The following RYR1 variants were observed in gnomAD, a reference collection of about 807,000 sequenced individuals.
RYR1 encodes central core disease of muscle.
RYR1 carries 342 observed loss-of-function variants against 583.5 expected under a neutral mutation model. The observed-to-expected ratio is 0.59, with a 90% confidence interval of 0.54 to 0.64. The LOEUF is 0.64. RYR1 is among the 30% of genes least tolerant of loss of function. The probability of loss-of-function intolerance (pLI) is 0.00; values close to 1 mark genes in which losing one functional copy is unlikely to be tolerated. For missense variants in RYR1, 6,032 were observed against 6,917.2 expected (o/e 0.87, Z 4.54); for synonymous variants, 2,791 against 2,822.5 (o/e 0.99, Z 0.35).
In RYR1 at chr19:38,561,265, G is replaced by T; in HGVS notation, c.12435G>T (p.Leu4145=). 2 of 1,614,020 alleles carry T rather than the reference G, an allele frequency of 1.2e-6. No individual in the cohort carries two copies. The highest frequency in any genetic ancestry group is 8.5e-7 in the Non-Finnish European group (1 of 1,180,038). ...ACATCGGCTTCAACGTGGCGGTGCT[G>T]CTGACCAACCTGTCGGAGCATGTGC... ...ARDIGFNVAV[L]LTNLSEHVPH... Residue 4145 remains leucine, a synonymous_variant, in exon 90 of 106, where the codon CTG becomes CTT. Transcript: ENST00000359596. The surrounding 1 kb of genome is among the most constrained non-coding windows in gnomAD (Gnocchi z 4.8).
chr19:38,465,996 C>A, intron 23 of RYR1, 95 bp from the exon 24 acceptor site: 1 of 1,222,424 alleles, frequency 8.2e-7, no homozygotes, highest in Non-Finnish European at 1.2e-6. Context: ...AACGCCGAAG[C>A]TGGGACAAGG....
At chr19:38,455,961 T>G (rs191098796) in intron 16 of RYR1, among the ~76,000 whole-genome samples, 19 of 145,962 alleles carry the variant, frequency 1.3e-4, no homozygotes, top group African/African-American at 4.6e-4. Context: ...GTTAGATCTC[T>G]GAAATGTTTT....
chr19:38,464,550 A>G, intron 22 of RYR1, 89 bp from the exon 23 acceptor site: 2 of 1,069,404 alleles, frequency 1.9e-6, no homozygotes, highest in East Asian at 2.6e-5. Context: ...GCAGAGGTAG[A>G]GGGAGCTGGA....
At chr19:38,505,257 G>C (rs909632346) in intron 52 of RYR1, 52 bp from the exon 53 acceptor site, 56 of 1,364,170 alleles carry the variant, frequency 4.1e-5, no homozygotes, top group African/African-American at 1.6e-4. Context: ...GGGTCGCCCC[G>C]TGTGTCCCCA....
chr19:38,517,427 G>A lies in RYR1; in HGVS notation c.9754G>A (p.Asp3252Asn), dbSNP rs1971021027. ...DIPVLERLMA[D>N]IGGLAESGAR... ...CCCGGTGCTGGAGCGGCTCATGGCA[G>A]ACATTGGGGGGCTGGCCGAGTCAGG... is the stretch of plus-strand genomic sequence containing the variant. The change falls in exon 66 of 106, where the codon GAC (aspartate) becomes AAC (asparagine). Residue 3252 changes from aspartate to asparagine, a missense_variant. Coordinates refer to ENST00000359596, the MANE Select transcript of RYR1 (RefSeq NM_000540.3). The A allele has an allele frequency of 2.5e-6, 4 of 1,613,986 alleles. No homozygotes were observed. In the Admixed American group the frequency reaches 5.0e-5, roughly 20 times the overall value.
Position 38,543,347 on chromosome 19 carries a change from A to G in RYR1, c.11690A>G (p.Asp3897Gly), listed in dbSNP as rs1368143154. ...LQLLCEGHNNDFQNYLRTQTG... is the reference protein window; with the variant it reads ...LQLLCEGHNNGFQNYLRTQTG... The stretch of plus-strand genomic sequence containing the variant: ...GATAAATGACTTTTCATCTCCCCAG[A>G]TTTCCAGAACTACCTACGGACACAG... Residue 3897 changes from aspartate (D) to glycine (G), a missense_variant and splice_region_variant, in exon 85 of 106, where the codon GAT becomes GGT. This residue lies in a region of RYR1 where 1,493 missense variants were observed against 1,715.5 expected (regional missense o/e 0.87). Coordinates refer to ENST00000359596, the MANE Select transcript of RYR1 (RefSeq NM_000540.3). This position sits in a 1 kb window ranked among gnomAD's most constrained non-coding sequence, Gnocchi z 4.4. The G allele has an allele frequency of 1.2e-6, 2 of 1,614,048 alleles. No homozygotes were observed. Among genetic ancestry groups the G allele is most frequent in the Non-Finnish European group, 1.7e-6 (2 of 1,180,000 alleles).
chr19:38,444,436 T>C lies in RYR1; in HGVS notation c.538-148T>C. 1.2e-6 allele frequency: 1 copy of C among 854,816 alleles called. No homozygotes were observed. The highest frequency in any genetic ancestry group is 1.4e-5 in the South Asian group (1 of 69,870). The allele number at this position is 854,816 out of a possible 1,614,324, so 53.0% of individuals were successfully genotyped here. A position where few individuals can be genotyped will look rare whatever the true frequency, so the allele number is the denominator to read the frequency against. Reference sequence around the variant, plus strand: ...GATTTCTGACCTCCCATTGCCCGACTTGATCATTTCCTGATCTGTGATCTC... The same window carrying C: ...GATTTCTGACCTCCCATTGCCCGACCTGATCATTTCCTGATCTGTGATCTC... On this transcript the variant is annotated intron_variant, in intron 6 of 105. Coordinates refer to ENST00000359596, the MANE Select transcript of RYR1 (RefSeq NM_000540.3). The surrounding 1 kb of genome is among the most constrained non-coding windows in gnomAD (Gnocchi z 5.1).
chr19:38,479,786 G>C (rs1167260126), intron 31 of RYR1, among the ~76,000 whole-genome samples: 1 of 151,548 alleles, frequency 6.6e-6, no homozygotes, highest in Non-Finnish European at 1.5e-5. Flanking sequence ...TGAGATCACA[G>C]CTCACTGCAG....
rs548429780 is a variant in RYR1 at position 38,447,222 on chromosome 19, C to T, written c.800+454C>T. Among the ~76,000 whole-genome samples, 5 of 95,368 alleles carry T rather than the reference C, an allele frequency of 5.2e-5. No homozygotes were observed. In the South Asian group the frequency reaches 1.3e-3, roughly 25 times the overall value. 62.6% of individuals were successfully genotyped at this position (95,368 alleles called of 152,430 possible). ...TCTGGGTGACAGAGCAAGATCCTGT[C>T]TCAAACAAACAAACAAACAAAACAA... On this transcript the variant is annotated intron_variant, in intron 9 of 105. Transcript: ENST00000359596.
In RYR1 at chr19:38,485,769, CACTGCGCG is replaced by C. The variant is rs1248355799; in HGVS notation, c.5115_5122del (p.Leu1706ArgfsTer4). The C allele has an allele frequency of 1.9e-6, 3 of 1,613,090 alleles. No homozygotes were observed. The African/African-American group carries it at 4.0e-5, about 22-fold the overall frequency. Reference sequence around the variant, plus strand: ...CTGGAGGACGCGCACCTGCCAGGCCCACTGCGCGCAGGCTACTATGACCTCCTCATCAG... The same window carrying C: ...CTGGAGGACGCGCACCTGCCAGGCCCCAGGCTACTATGACCTCCTCATCAG... On this transcript the variant is annotated frameshift_variant, in exon 34 of 106. Coordinates refer to ENST00000359596, the MANE Select transcript of RYR1 (RefSeq NM_000540.3). LOFTEE classifies it high-confidence loss of function.
rs1969436366 is a variant in RYR1 at position 38,489,178 on chromosome 19, T to C, written c.5549T>C (p.Val1850Ala). 1.2e-6 allele frequency: 2 copies of C among 1,613,572 alleles called. No homozygotes were observed. Among genetic ancestry groups the C allele is most frequent in the South Asian group, 2.2e-5 (2 of 91,018 alleles). ...AAGAACCGAGACTTTGTCCTGTAGG[T>C]GATGGGCATCTTTGGCGATGAGGAT... ...PVLKLVSTLL[V>A]MGIFGDEDVK... is the part of the protein sequence containing the mutation. Residue 1850 changes from valine to alanine, a missense_variant and splice_region_variant, in exon 35 of 106, where the codon GTG becomes GCG. This residue lies in a region of RYR1 where 2,627 missense variants were observed against 2,961.3 expected (regional missense o/e 0.89). Transcript: ENST00000359596.
Position 38,489,437 on chromosome 19 carries a change from G to C in RYR1, c.5808G>C (p.Lys1936Asn). The C allele has an allele frequency of 6.2e-7, 1 of 1,613,996 alleles. No individual in the cohort carries two copies. Among genetic ancestry groups the C allele is most frequent in the African/African-American group, 1.3e-5 (1 of 75,038 alleles). The change falls in exon 35 of 106, where the codon AAG (lysine) becomes AAC (asparagine). Residue 1936 changes from lysine (K) to asparagine (N), a missense_variant. Lys to Asn is a moderately conservative substitution (Grantham distance 94). Around this residue, in one of 11 missense-constraint regions of RYR1, gnomAD observed 2,627 missense variants for 2,961.3 expected, o/e 0.89. Coordinates refer to ENST00000359596, the MANE Select transcript of RYR1 (RefSeq NM_000540.3). ...AGATGAAGTTGCCAGAGTCTGTGAA[G>C]TTACAGGTGGGCTGCTGCTTCCTGC... Reference protein sequence around the residue: ...LLQMKLPESVKLQMCHLLEYF... With the variant: ...LLQMKLPESVNLQMCHLLEYF...
In RYR1 at chr19:38,517,507, C is replaced by T. The variant is rs764790805; in HGVS notation, c.9834C>T (p.Cys3278=). 6.2e-7 allele frequency: 1 copy of T among 1,614,132 alleles called. No individual in the cohort carries two copies. Among genetic ancestry groups the T allele is most frequent in the Non-Finnish European group, 8.5e-7 (1 of 1,179,996 alleles). ...HVIEITLPML[C]SYLPRWWERG... is the part of the protein sequence containing the mutation. The stretch of plus-strand genomic sequence containing the variant: ...TCGAGATCACGCTGCCCATGCTATG[C>T]AGCTACCTGCCCCGATGGTGGGAGC... The change falls in exon 66 of 106, where the codon TGC becomes TGT. Residue 3278 remains cysteine, a synonymous_variant. Transcript: ENST00000359596.
chr19:38,504,714 G>T, intron 50 of RYR1, 34 bp from the exon 51 acceptor site: 1 of 1,560,200 alleles, frequency 6.4e-7, no homozygotes, highest in South Asian at 1.1e-5. Flanking sequence ...GGCTTATAGC[G>T]ACCTCCTACC....
rs1971884857 is a variant in RYR1, at chr19:38,534,653, A to C, written c.11260-67A>C. 2.2e-6 allele frequency: 3 copies of C among 1,372,156 alleles called. No homozygotes were observed. The South Asian group carries it at 3.7e-5, about 17-fold the overall frequency. The allele number at this position is 1,372,156 out of a possible 1,614,324, so 85.0% of individuals were successfully genotyped here. A position where few individuals can be genotyped will look rare whatever the true frequency, so the allele number is the denominator to read the frequency against. On this transcript the variant is annotated intron_variant, in intron 78 of 105. Coordinates refer to ENST00000359596, the MANE Select transcript of RYR1 (RefSeq NM_000540.3). ...CTGGAACAGGGAGGGCAGAAGTGAG[A>C]ATGTGAGGGGGAAAGGCTGGGCTGG...
intron 67 of RYR1, among the ~76,000 whole-genome samples, chr19:38,521,715 ATT>A (rs76100552): frequency 1.1e-4 from 15 of 137,782 alleles, no homozygotes; most frequent in Admixed American, 2.2e-4. Context: ...AAAAAAGAAA[ATT>A]TTTTTTTTTT....
intron 96 of RYR1, among the ~76,000 whole-genome samples, chr19:38,575,676 G>A (rs1044561938): frequency 6.6e-6 from 1 of 152,140 alleles, no homozygotes; most frequent in African/African-American, 2.4e-5. Flanking sequence ...GGTGGTGGGC[G>A]CCTGTAATCC....
At chr19:38,480,189 C>CTGGA (rs1447958289) in intron 31 of RYR1, among the ~76,000 whole-genome samples, 1 of 152,186 alleles carries the variant, frequency 6.6e-6, no homozygotes, top group African/African-American at 2.4e-5. Context: ...GTCACCCAGG[C>CTGGA]TGGAGTGCAG....
chr19:38,527,942 C>A (rs1971547215), intron 73 of RYR1, 158 bp downstream of exon 73: 1 of 504,680 alleles, frequency 2.0e-6, no homozygotes, highest in Admixed American at 4.6e-5. Context: ...TAGAATGGAT[C>A]GGGGGAGGGG....
Sources: allele counts gnomAD v4.1 joint callset (sites outside exome capture counted in the v4.1 genomes callset), GRCh38; gene constraint gnomAD v4.1.1; regional missense constraint gnomAD v4.1.1; non-coding constraint Gnocchi (gnomAD v3.1); transcripts MANE v1.5; gene names NCBI Gene and HGNC (gene_info 2026-07-23, HGNC 2026-07-21).